The following PTDSS2 variants were observed in gnomAD, a reference collection of about 807,000 sequenced individuals.
PTDSS2 encodes the protein PSS-2.
A neutral mutation model predicts 64.7 loss-of-function variants in PTDSS2; 41 were observed. That is an observed-to-expected ratio of 0.63 (90% CI 0.49 to 0.82). PTDSS2 has a LOEUF of 0.82. Among genes scored for constraint, PTDSS2 ranks in the 40% least tolerant of loss-of-function variants. PTDSS2 has a pLI of 0.00. For missense variants in PTDSS2, 485 were observed against 650.0 expected, an observed-to-expected ratio of 0.75 and a Z score of 2.76; for synonymous variants, 297 against 277.8, an observed-to-expected ratio of 1.07 and a Z score of -0.69.
intron 5 of PTDSS2, 59 bp from the exon 6 acceptor site, chr11:487,361 G>A: frequency 1.4e-6 from 2 of 1,473,878 alleles, no homozygotes; most frequent in Non-Finnish European, 1.9e-6. Flanking sequence ...TGATCTGCCG[G>A]TGTGGGGAGT....
chr11:450,344 G>GC lies in PTDSS2; in HGVS notation c.-110dup. 1.0e-6 allele frequency: 1 copy of GC among 998,328 alleles called. No individual in the cohort carries two copies. The highest frequency in any genetic ancestry group is 1.3e-6 in the Non-Finnish European group (1 of 780,684). The allele number at this position is 998,328 out of a possible 1,614,324, so 61.8% of individuals were successfully genotyped here. A position where few individuals can be genotyped will look rare whatever the true frequency, so the allele number is the denominator to read the frequency against. On this transcript the variant is annotated 5_prime_UTR_variant, in exon 1 of 12. An upstream open reading frame in the 5' UTR loses its in-frame stop. Transcript: ENST00000308020. Reference sequence around the variant, plus strand: ...CTCTCCTAAGACCCCGCGGGCCAGCGCCGCGACCCCTTCCCAGCGCTCCTC... The same window carrying GC: ...CTCTCCTAAGACCCCGCGGGCCAGCGCCCGCGACCCCTTCCCAGCGCTCCTC...
Position 460,746 on chromosome 11 carries a change from A to G in PTDSS2, c.284+458A>G, listed in dbSNP as rs775945135. On this transcript the variant is annotated intron_variant, in intron 2 of 11. Transcript: ENST00000308020. The surrounding 1 kb of genome is among the most constrained non-coding windows in gnomAD (Gnocchi z 5.8). ...CATCTGGTCAGCAGCCAAGCGAGTA[A>G]ACTCGTCTTCTCAGGTTTATCTCCA... 1.1e-4 allele frequency: 17 copies of G among 160,008 alleles called. No individual in the cohort carries two copies. The highest frequency in any genetic ancestry group is 1.8e-4 in the Non-Finnish European group (13 of 72,600). 9.9% of individuals were successfully genotyped at this position (160,008 alleles called of 1,614,324 possible).
At chr11:459,953 C>T (rs535107531) in intron 1 of PTDSS2, 54 of 524,038 alleles carry the variant, frequency 1.0e-4, no homozygotes, top group Middle Eastern at 5.2e-4. Flanking sequence ...CCCAGGAACA[C>T]GGGGCTCTTC....
chr11:450,642 G>T lies in PTDSS2; in HGVS notation c.182+5G>T, dbSNP rs897865608. The stretch of plus-strand genomic sequence containing the variant: ...CGGCACCAACACCTTCTTCTGGTGA[G>T]GGCAGTGGGCGGCCGCGGGGCGGCG... On this transcript the variant is annotated splice_donor_5th_base_variant and intron_variant, in intron 1 of 11. Transcript: ENST00000308020. 2.4e-6 allele frequency: 3 copies of T among 1,243,280 alleles called. No homozygotes were observed. The African/African-American group carries it at 4.7e-5, about 19-fold the overall frequency. 77.0% of individuals were successfully genotyped at this position (1,243,280 alleles called of 1,614,324 possible). A position where few individuals can be genotyped will look rare whatever the true frequency, so the allele number is the denominator to read the frequency against.
intron 1 of PTDSS2, among the ~76,000 whole-genome samples, chr11:453,962 A>G (rs1282373522): frequency 6.6e-6 from 1 of 152,132 alleles, no homozygotes; most frequent in Non-Finnish European, 1.5e-5. Flanking sequence ...CAGGACATAC[A>G]CCGTCCTGCA....
At chr11:489,274 C>A in intron 8 of PTDSS2, 126 bp from the exon 9 acceptor site, 1 of 757,062 alleles carries the variant, frequency 1.3e-6, no homozygotes, top group Non-Finnish European at 2.2e-6. Context: ...GGCGGGGTGA[C>A]CAAGAGCAGA....
At chr11:465,683 G>A (rs2133781763) in intron 2 of PTDSS2, among the ~76,000 whole-genome samples, 1 of 152,192 alleles carries the variant, frequency 6.6e-6, no homozygotes, top group East Asian at 1.9e-4. Flanking sequence ...CTAGCACTTT[G>A]GAAGGCCAAT....
chr11:450,870 C>T (rs973120982), intron 1 of PTDSS2, among the ~76,000 whole-genome samples: 5 of 152,120 alleles, frequency 3.3e-5, no homozygotes, highest in Non-Finnish European at 7.4e-5. Context: ...AGACCCTGGG[C>T]AGACCCTCCC....
At chr11:459,180 A>T (rs1340373679) in intron 1 of PTDSS2, 1 of 43,112 alleles carries the variant, frequency 2.3e-5, no homozygotes, top group Non-Finnish European at 4.4e-5. Context: ...GTGAGGACAC[A>T]CTCCGGTGGA....
Position 450,645 on chromosome 11 carries a change from C to T in PTDSS2, c.182+8C>T. 1 of 1,243,326 alleles carries T rather than the reference C, an allele frequency of 8.0e-7. No individual in the cohort carries two copies. Among genetic ancestry groups the T allele is most frequent in the Non-Finnish European group, 1.0e-6 (1 of 986,094 alleles). 77.0% of individuals were successfully genotyped at this position (1,243,326 alleles called of 1,614,324 possible). A position where few individuals can be genotyped will look rare whatever the true frequency, so the allele number is the denominator to read the frequency against. The stretch of plus-strand genomic sequence containing the variant: ...CACCAACACCTTCTTCTGGTGAGGG[C>T]AGTGGGCGGCCGCGGGGCGGCGAGG... On this transcript the variant is annotated splice_region_variant and intron_variant, in intron 1 of 11. Transcript: ENST00000308020.
rs1279743195 is a variant in PTDSS2 at position 460,842 on chromosome 11, G to T, written c.284+554G>T. On this transcript the variant is annotated intron_variant, in intron 2 of 11. Coordinates refer to ENST00000308020, the MANE Select transcript of PTDSS2 (RefSeq NM_030783.3). This position sits in a 1 kb window ranked among gnomAD's most constrained non-coding sequence, Gnocchi z 5.8. ...ATGGATTCTGACGCCAGTCTCAGAA[G>T]TGCGTGTGGAAGAGAAGCTGGTTTT... 1 of 153,246 alleles carries T rather than the reference G, an allele frequency of 6.5e-6. No individual in the cohort carries two copies. Among genetic ancestry groups the T allele is most frequent in the African/African-American group, 2.4e-5 (1 of 41,474 alleles). The allele number at this position is 153,246 out of a possible 1,614,324, so 9.5% of individuals were successfully genotyped here. A position where few individuals can be genotyped will look rare whatever the true frequency, so the allele number is the denominator to read the frequency against.
intron 4 of PTDSS2, among the ~76,000 whole-genome samples, chr11:484,560 G>A (rs1019515318): frequency 1.3e-5 from 2 of 151,912 alleles, no homozygotes; most frequent in Admixed American, 6.5e-5. Context: ...GGGCGCGTGT[G>A]TGCTCACTGC....
intron 2 of PTDSS2, among the ~76,000 whole-genome samples, chr11:469,264 G>A (rs1419079830): frequency 3.9e-5 from 5 of 129,450 alleles, no homozygotes; most frequent in Non-Finnish European, 8.2e-5. Context: ...AGGAGGAGGA[G>A]GGCAGTCTCT....
intron 4 of PTDSS2, among the ~76,000 whole-genome samples, chr11:485,159 G>GAGC (rs1355038634): frequency 8.0e-6 from 1 of 125,056 alleles, no homozygotes; most frequent in Admixed American, 8.3e-5. Context: ...TAAGTGCACG[G>GAGC]GCGTGTGTGC....
chr11:455,674 C>T (rs575473481), intron 1 of PTDSS2, among the ~76,000 whole-genome samples: 1 of 152,358 alleles, frequency 6.6e-6, no homozygotes, highest in South Asian at 2.1e-4. Context: ...CCTCGCGCTC[C>T]CTTCTTGCTA....
chr11:472,917 G>C (rs1847542687), intron 2 of PTDSS2, among the ~76,000 whole-genome samples: 1 of 152,232 alleles, frequency 6.6e-6, no homozygotes, highest in Admixed American at 6.5e-5. Flanking sequence ...GCACGGCACT[G>C]CCGAGCCGTG....
At position 460,338 on chromosome 11, in the gene PTDSS2, G is replaced by A. The variant is rs754849832; in HGVS notation, c.284+50G>A. ...TCTGAAACTGCCCTGTGCCCCGTGT[G>A]GTGGGTGTGGCACCCTTACTGCTCG... On this transcript the variant is annotated intron_variant, in intron 2 of 11. Transcript: ENST00000308020. The surrounding 1 kb of genome is among the most constrained non-coding windows in gnomAD (Gnocchi z 5.8). 1.3e-6 allele frequency: 2 copies of A among 1,496,906 alleles called. No individual in the cohort carries two copies. The highest frequency in any genetic ancestry group is 2.3e-5 in the South Asian group (2 of 87,924). 92.7% of individuals were successfully genotyped at this position (1,496,906 alleles called of 1,614,324 possible).
At position 460,441 on chromosome 11, in the gene PTDSS2, G is replaced by C. The variant is rs1004180270; in HGVS notation, c.284+153G>C. On this transcript the variant is annotated intron_variant, in intron 2 of 11. Coordinates refer to ENST00000308020, the MANE Select transcript of PTDSS2 (RefSeq NM_030783.3). This position sits in a 1 kb window ranked among gnomAD's most constrained non-coding sequence, Gnocchi z 5.8. ...CCTCTCCCTTGAGTGTGTCTGATGT[G>C]CAGACTCCAGGGCTGCCCTTGGTGC... 3.1e-6 allele frequency: 2 copies of C among 636,432 alleles called. No homozygotes were observed. Among genetic ancestry groups the C allele is most frequent in the African/African-American group, 3.6e-5 (2 of 55,124 alleles). 39.4% of individuals were successfully genotyped at this position (636,432 alleles called of 1,614,324 possible). A position where few individuals can be genotyped will look rare whatever the true frequency, so the allele number is the denominator to read the frequency against.
At chr11:457,074 C>G (rs1332325152) in intron 1 of PTDSS2, among the ~76,000 whole-genome samples, 2 of 152,196 alleles carry the variant, frequency 1.3e-5, no homozygotes, top group African/African-American at 4.8e-5. Flanking sequence ...GACCCCGTCT[C>G]TACAAAAAAT....
Sources: allele counts gnomAD v4.1 joint callset (sites outside exome capture counted in the v4.1 genomes callset), GRCh38; gene constraint gnomAD v4.1.1; non-coding constraint Gnocchi (gnomAD v3.1); transcripts MANE v1.5; gene names NCBI Gene and HGNC (gene_info 2026-07-23, HGNC 2026-07-21).